Variants in TUT4 observed in about 807,000 individuals in gnomAD.
TUT4 encodes the protein terminal uridylyltransferase 4.
A neutral mutation model predicts 192.2 loss-of-function variants in TUT4; 36 were observed. That is an observed-to-expected ratio of 0.19 (90% CI 0.14 to 0.25). The LOEUF (loss-of-function observed/expected upper bound fraction) is 0.25. Ranked by LOEUF, TUT4 falls within the 10% of genes least tolerant of loss-of-function variation. TUT4 has a pLI of 1.00. For synonymous variants in TUT4, 618 were observed against 666.0 expected (o/e 0.93, Z 1.11); for missense variants, 1,493 against 1,957.2 (o/e 0.76, Z 4.47).
chr1:52,552,590 T>A (rs1689753447), intron 1 of TUT4, among the ~76,000 whole-genome samples: 1 of 152,202 alleles, frequency 6.6e-6, no homozygotes, highest in Non-Finnish European at 1.5e-5. Context: ...CCAATCCCGT[T>A]AACTCAAAAT....
rs546530900 is a variant in TUT4, at chr1:52,530,526, T to C, written c.-93-4153A>G. ...TATTTGTAAAAGTACAATTAAGTTA[T>C]AATTAACGATAATCACCCCCACATC... On this transcript the variant is annotated intron_variant, in intron 1 of 29. Transcript: ENST00000257177. 2.0e-5 allele frequency among the ~76,000 whole-genome samples: 3 copies of C among 152,320 alleles called. No homozygotes were observed. The South Asian group carries it at 6.2e-4, about 32-fold the overall frequency.
At chr1:52,455,664 A>AG (rs574526678) in intron 20 of TUT4, among the ~76,000 whole-genome samples, 2 of 38,082 alleles carry the variant, frequency 5.3e-5, no homozygotes, top group Non-Finnish European at 5.2e-5. Flanking sequence ...AGGGCAGGGG[A>AG]GGGGGGGAGA....
At chr1:52,542,186 G>C (rs2149681238) in intron 1 of TUT4, among the ~76,000 whole-genome samples, 1 of 152,284 alleles carries the variant, frequency 6.6e-6, no homozygotes, top group Non-Finnish European at 1.5e-5. Flanking sequence ...CTAGAGGTTA[G>C]GAAGCAAGGA....
At chr1:52,432,423 A>G (rs1482630540) in intron 27 of TUT4, 1 of 152,202 alleles carries the variant, frequency 6.6e-6, no homozygotes, top group Non-Finnish European at 1.5e-5. Flanking sequence ...TTACTGGAGT[A>G]TATATAATGG....
intron 1 of TUT4, among the ~76,000 whole-genome samples, chr1:52,550,620 G>A (rs1689192243): frequency 1.3e-5 from 2 of 150,418 alleles, no homozygotes; most frequent in Non-Finnish European, 2.9e-5. Context: ...TCCTACCTCA[G>A]CTTCTGGGAC....
chr1:52,509,533 A>C (rs1676530269), intron 4 of TUT4, 63 bp downstream of exon 4: 2 of 965,240 alleles, frequency 2.1e-6, no homozygotes. Flanking sequence ...CACAAATAAA[A>C]AATATTCAAT....
intron 2 of TUT4, among the ~76,000 whole-genome samples, chr1:52,521,306 G>A (rs7553627): frequency 0.35 from 53,449 of 152,040 alleles, 13,034 homozygotes; most frequent in African/African-American, 0.7. Flanking sequence ...GGTGGGAGCT[G>A]AAGTTAGGCC....
intron 1 of TUT4, among the ~76,000 whole-genome samples, chr1:52,532,153 C>G (rs1047083434): frequency 6.6e-6 from 1 of 151,786 alleles, no homozygotes; most frequent in East Asian, 1.9e-4. Flanking sequence ...GCTGGGATTA[C>G]CACGCCTGCC....
chr1:52,537,734 G>A (rs1029278796), intron 1 of TUT4, among the ~76,000 whole-genome samples: 5 of 152,116 alleles, frequency 3.3e-5, no homozygotes, highest in East Asian at 1.9e-4. Context: ...CCAACATGGC[G>A]AAATCCCATC....
intron 1 of TUT4, among the ~76,000 whole-genome samples, chr1:52,534,726 G>A (rs1306106081): frequency 1.3e-5 from 2 of 151,874 alleles, no homozygotes; most frequent in Non-Finnish European, 2.9e-5. Context: ...AGCCAAATGT[G>A]GTGGCGCATG....
chr1:52,425,621 A>G, intron 28 of TUT4, 114 bp from the exon 29 acceptor site: 1 of 1,266,142 alleles, frequency 7.9e-7, no homozygotes, highest in Non-Finnish European at 1.1e-6. Flanking sequence ...GAACTATGCT[A>G]AATTCAGAGA....
intron 28 of TUT4, 38 bp from the exon 29 acceptor site, chr1:52,425,545 A>G: frequency 6.4e-7 from 1 of 1,566,340 alleles, no homozygotes. Context: ...ATTTAAAAAC[A>G]TTAGTTCATT....
In TUT4 at chr1:52,488,990, G is replaced by C; in HGVS notation, c.1434C>G (p.Leu478=). ...CAAGGGCAGTAAGTAAATCAGTAGTGAGACATGCCATATCGTTTCCTGCAC... is the reference window on the plus strand; with the variant it reads ...CAAGGGCAGTAAGTAAATCAGTAGTCAGACATGCCATATCGTTTCCTGCAC... ...RVSAGNDMAC[L]TTDLLTALGK... The change falls in exon 9 of 30, where the codon CTC becomes CTG. Residue 478 remains leucine (L), a synonymous_variant. Coordinates refer to ENST00000257177, the MANE Select transcript of TUT4 (RefSeq NM_001009881.3). The C allele has an allele frequency of 1.9e-6, 3 of 1,613,732 alleles. No individual in the cohort carries two copies. The highest frequency in any genetic ancestry group is 2.5e-6 in the Non-Finnish European group (3 of 1,179,846).
intron 20 of TUT4, 32 bp downstream of exon 20, chr1:52,458,304 A>C: frequency 6.4e-7 from 1 of 1,553,538 alleles, no homozygotes; most frequent in Non-Finnish European, 8.8e-7. Context: ...GTTTTCAAAA[A>C]AAACTCCTTT....
chr1:52,464,980 C>A, intron 16 of TUT4, 90 bp downstream of exon 16: 1 of 967,300 alleles, frequency 1.0e-6, no homozygotes, highest in Non-Finnish European at 1.5e-6. Context: ...AGAGTGATAC[C>A]ACATTTTTAT....
chr1:52,472,226 A>AT, intron 13 of TUT4, 124 bp from the exon 14 acceptor site: 10 of 973,610 alleles, frequency 1.0e-5, no homozygotes, highest in South Asian at 1.9e-5. Flanking sequence ...TCAGGAGGTA[A>AT]TTAAAAAAAA....
chr1:52,500,619 G>A lies in TUT4; in HGVS notation c.1000-3436C>T, dbSNP rs6668339. Reference sequence around the variant, plus strand: ...CTCTACTAAATACAAAAAACTAGCCGGGCATGGTGACAGATGCCTGTAATC... The same window carrying A: ...CTCTACTAAATACAAAAAACTAGCCAGGCATGGTGACAGATGCCTGTAATC... On this transcript the variant is annotated intron_variant, in intron 4 of 29. Coordinates refer to ENST00000257177, the MANE Select transcript of TUT4 (RefSeq NM_001009881.3). 8.7e-3 allele frequency among the ~76,000 whole-genome samples: 1,329 copies of A among 152,186 alleles called. 22 individuals are homozygous for A. Among genetic ancestry groups the A allele is most frequent in the African/African-American group, 0.03 (1,259 of 41,532 alleles).
chr1:52,432,585 G>C (rs559248331), intron 27 of TUT4: 1 of 152,162 alleles, frequency 6.6e-6, no homozygotes, highest in African/African-American at 2.4e-5. Flanking sequence ...ACTTTAGAAA[G>C]ATTATCCTGG....
chr1:52,521,498 T>C (rs1271221151), intron 2 of TUT4, among the ~76,000 whole-genome samples: 8 of 145,046 alleles, frequency 5.5e-5, no homozygotes, highest in South Asian at 2.2e-4. Context: ...AACCCCATCT[T>C]TACTAAAAAT....
Sources: allele counts gnomAD v4.1 joint callset (sites outside exome capture counted in the v4.1 genomes callset), GRCh38; gene constraint gnomAD v4.1.1; transcripts MANE v1.5; gene names NCBI Gene and HGNC (gene_info 2026-07-23, HGNC 2026-07-21).